TNS3: variants seen among roughly 807,000 people sequenced by gnomAD.
TNS3 encodes the protein tensin 3, also known as tensin-3.
TNS3 carries 45 observed loss-of-function variants against 140.9 expected under a neutral mutation model. That is an observed-to-expected ratio of 0.32 (90% CI 0.25 to 0.41). The LOEUF (loss-of-function observed/expected upper bound fraction) is 0.41. TNS3 is among the 10% of genes least tolerant of loss of function. TNS3 has a pLI of 1.00. For synonymous variants in TNS3, 815 were observed against 788.4 expected, an observed-to-expected ratio of 1.03 and a Z score of -0.56; for missense variants, 1,716 against 1,906.7, an observed-to-expected ratio of 0.90 and a Z score of 1.86.
chr7:47,368,081 C>T (rs969151110), intron 17 of TNS3, among the ~76,000 whole-genome samples: 22 of 152,176 alleles, frequency 1.4e-4, no homozygotes, highest in Admixed American at 5.9e-4. Flanking sequence ...GAGGCATGAC[C>T]GGCCCTTTCC....
In TNS3 at chr7:47,513,783, G is replaced by A. The variant is rs540792879; in HGVS notation, c.-152-6839C>T. Among the ~76,000 whole-genome samples the A allele has an allele frequency of 2.0e-5, 3 of 152,350 alleles. No individual in the cohort carries two copies. The East Asian group carries it at 5.8e-4, about 29-fold the overall frequency. ...AGCTTACCCTCCGGCGTCTGAGCTG[G>A]TGTGTGGCAGGCCCCTTCTCGTGGC... On this transcript the variant is annotated intron_variant, in intron 2 of 30. Coordinates refer to ENST00000311160, the MANE Select transcript of TNS3 (RefSeq NM_022748.12).
intron 20 of TNS3, among the ~76,000 whole-genome samples, chr7:47,314,480 G>A (rs898004682): frequency 2.6e-5 from 4 of 152,166 alleles, no homozygotes; most frequent in Non-Finnish European, 5.9e-5. Flanking sequence ...ACCAAAAATC[G>A]TATAGTCAAA....
At chr7:47,444,321 C>T (rs1795614052) in intron 4 of TNS3, among the ~76,000 whole-genome samples, 1 of 152,214 alleles carries the variant, frequency 6.6e-6, no homozygotes, top group African/African-American at 2.4e-5. Context: ...TGCTGGAGTA[C>T]ACTGGCCCAG....
intron 4 of TNS3, among the ~76,000 whole-genome samples, chr7:47,442,835 C>T (rs555619439): frequency 1.3e-5 from 2 of 152,286 alleles, no homozygotes; most frequent in African/African-American, 2.4e-5. Flanking sequence ...TCCTGCTCCC[C>T]GATCAAAGCA....
At chr7:47,352,786 T>C (rs1045927226) in intron 17 of TNS3, among the ~76,000 whole-genome samples, 1 of 152,176 alleles carries the variant, frequency 6.6e-6, no homozygotes. Context: ...CATCTACTGC[T>C]CTGACTAGCC....
At chr7:47,526,379 T>C (rs1379332908) in intron 2 of TNS3, among the ~76,000 whole-genome samples, 1 of 152,204 alleles carries the variant, frequency 6.6e-6, no homozygotes, top group African/African-American at 2.4e-5. Context: ...CAAACACACA[T>C]GCGGCATCAG....
intron 1 of TNS3, among the ~76,000 whole-genome samples, chr7:47,534,897 C>G (rs1159032521): frequency 6.6e-6 from 1 of 152,158 alleles, no homozygotes; most frequent in Admixed American, 6.5e-5. Flanking sequence ...AACCGAGATG[C>G]AGCACCACAC....
rs528403175 is a variant in TNS3 at position 47,424,213 on chromosome 7, T to C, written c.390-29A>G. The C allele has an allele frequency of 1.9e-6, 3 of 1,611,378 alleles. No homozygotes were observed. In the African/African-American group the frequency reaches 4.0e-5, roughly 21 times the overall value. On this transcript the variant is annotated intron_variant, in intron 9 of 30. Transcript: ENST00000311160. ...AAGGGGAGAGAGAGAGAAAGAGAGT[T>C]AACTCAGTGGAGCCCACACCACGTG...
At chr7:47,487,683 G>C (rs1480937091) in intron 3 of TNS3, among the ~76,000 whole-genome samples, 1 of 152,134 alleles carries the variant, frequency 6.6e-6, no homozygotes, top group Non-Finnish European at 1.5e-5. Context: ...GCAGACAAGG[G>C]AGAAAGCAAT....
intron 24 of TNS3, among the ~76,000 whole-genome samples, chr7:47,295,116 G>A (rs891319304): frequency 6.6e-6 from 1 of 152,166 alleles, no homozygotes; most frequent in Non-Finnish European, 1.5e-5. Flanking sequence ...AGTCAGATAA[G>A]ATTTCACCCA....
intron 3 of TNS3, among the ~76,000 whole-genome samples, chr7:47,483,470 G>A (rs1797502297): frequency 6.6e-6 from 1 of 152,174 alleles, no homozygotes; most frequent in Non-Finnish European, 1.5e-5. Context: ...TACCTGGCCT[G>A]AGTGTCTGAT....
rs56823708 is a variant in TNS3 at position 47,361,206 on chromosome 7, C to CAAAAAA, written c.2281+7153_2281+7158dup. Among the ~76,000 whole-genome samples the CAAAAAA allele has an allele frequency of 3.5e-3, 163 of 47,120 alleles. 5 individuals are homozygous for CAAAAAA. The highest frequency in any genetic ancestry group is 5.3e-3 in the Admixed American group (16 of 3,002). 30.9% of individuals were successfully genotyped at this position (47,120 alleles called of 152,430 possible). A position where few individuals can be genotyped will look rare whatever the true frequency, so the allele number is the denominator to read the frequency against. ...TCTTCTGGTAAGACAGTAACCATGC[C>CAAAAAA]AAAAAAAAAAAAAAAAAACAAGCAA... On this transcript the variant is annotated intron_variant, in intron 17 of 30. Transcript: ENST00000311160.
chr7:47,370,043 T>C (rs1011219119), intron 16 of TNS3, among the ~76,000 whole-genome samples: 2 of 152,226 alleles, frequency 1.3e-5, no homozygotes, highest in African/African-American at 2.4e-5. Context: ...CTAACATTTG[T>C]TGAGCATCAG....
intron 16 of TNS3, among the ~76,000 whole-genome samples, chr7:47,391,083 C>T (rs1375620686): frequency 6.6e-6 from 1 of 152,218 alleles, no homozygotes; most frequent in Admixed American, 6.5e-5. Context: ...CTCCTGCACA[C>T]ACCAGCCAGG....
chr7:47,534,439 G>A (rs1415709296), intron 1 of TNS3, among the ~76,000 whole-genome samples: 2 of 152,056 alleles, frequency 1.3e-5, no homozygotes, highest in African/African-American at 2.4e-5. Flanking sequence ...AACAGCTATT[G>A]TAAATGACCA....
intron 17 of TNS3, among the ~76,000 whole-genome samples, chr7:47,365,808 A>G (rs1790665064): frequency 1.3e-5 from 2 of 152,218 alleles, no homozygotes; most frequent in African/African-American, 4.8e-5. Flanking sequence ...AGTAATTTAA[A>G]AACAGCCAAA....
chr7:47,313,668 A>G lies in TNS3; in HGVS notation c.2651-8665T>C, dbSNP rs543945948. Among the ~76,000 whole-genome samples, 92 of 152,318 alleles carry G rather than the reference A, an allele frequency of 6.0e-4. 1 individual carries two copies. The highest frequency in any genetic ancestry group is 2.2e-3 in the African/African-American group (90 of 41,576). ...CCTGGTGCTTCACATCCCTGTTTAC[A>G]GAGTCCCCGTGCCTCAAGGCTCTAG... On this transcript the variant is annotated intron_variant, in intron 20 of 30. Transcript: ENST00000311160.
intron 4 of TNS3, among the ~76,000 whole-genome samples, chr7:47,459,575 G>A (rs1796396977): frequency 6.6e-6 from 1 of 152,144 alleles, no homozygotes; most frequent in African/African-American, 2.4e-5. Flanking sequence ...GAGTGTCCTA[G>A]AATGTAAATT....
At chr7:47,378,249 T>G (rs1430245486) in intron 16 of TNS3, among the ~76,000 whole-genome samples, 1 of 152,148 alleles carries the variant, frequency 6.6e-6, no homozygotes, top group Admixed American at 6.5e-5. Context: ...ACCCTCTGGG[T>G]GCAGAGCTGA....
Sources: allele counts gnomAD v4.1 joint callset (sites outside exome capture counted in the v4.1 genomes callset), GRCh38; gene constraint gnomAD v4.1.1; transcripts MANE v1.5; gene names NCBI Gene and HGNC (gene_info 2026-07-23, HGNC 2026-07-21).